Variants in DLG2 observed in about 807,000 individuals in gnomAD.
DLG2 encodes disks large homolog 2.
A neutral mutation model predicts 132.5 loss-of-function variants in DLG2; 45 were observed. That is an observed-to-expected ratio of 0.34 (90% CI 0.27 to 0.44). The LOEUF is 0.44. DLG2 is among the 20% of genes least tolerant of loss of function. The probability of loss-of-function intolerance (pLI) is 1.00; values close to 1 mark genes in which losing one functional copy is unlikely to be tolerated. For synonymous variants in DLG2, 424 were observed against 419.6 expected (o/e 1.01, Z -0.13); for missense variants, 1,045 against 1,196.9 (o/e 0.87, Z 1.87).
intron 7 of DLG2, among the ~76,000 whole-genome samples, chr11:84,393,728 T>A (rs898710355): frequency 6.6e-6 from 1 of 152,206 alleles, no homozygotes; most frequent in Admixed American, 6.5e-5. Flanking sequence ...TTTAAAATTA[T>A]ATAGTTTATT....
At chr11:85,438,741 T>G (rs189369376) in intron 3 of DLG2, among the ~76,000 whole-genome samples, 1 of 152,320 alleles carries the variant, frequency 6.6e-6, no homozygotes. Flanking sequence ...AATTTTATCA[T>G]GTACGTAGGT....
At chr11:84,922,978 C>G (rs1486171124) in intron 6 of DLG2, 13 of 1,467,744 alleles carry the variant, frequency 8.9e-6, no homozygotes, top group Non-Finnish European at 1.2e-5. Context: ...GCCTGCTCAG[C>G]CAGCAATCCG....
intron 4 of DLG2, among the ~76,000 whole-genome samples, chr11:85,190,453 GA>G (rs562602286): frequency 7.9e-5 from 11 of 139,070 alleles, no homozygotes; most frequent in Non-Finnish European, 1.4e-4. Flanking sequence ...CTAAAGGAGC[GA>G]AAAAAAAACA....
chr11:85,339,543 G>A (rs1416490497), intron 3 of DLG2, among the ~76,000 whole-genome samples: 2 of 151,926 alleles, frequency 1.3e-5, no homozygotes, highest in African/African-American at 2.4e-5. Flanking sequence ...TTTTTATAAG[G>A]GAAAAAATGA....
Position 83,661,614 on chromosome 11 carries a change from T to A in DLG2, c.1826-28289A>T, listed in dbSNP as rs567513226. ...GAAAGTACTTTGCCACTTATGACTCTAATAGTAGAGCCAGATTTGTATGAC... is the reference window on the plus strand; with the variant it reads ...GAAAGTACTTTGCCACTTATGACTCAAATAGTAGAGCCAGATTTGTATGAC... On this transcript the variant is annotated intron_variant, in intron 18 of 27. Coordinates refer to ENST00000376104, the MANE Select transcript of DLG2 (RefSeq NM_001142699.3). Among the ~76,000 whole-genome samples, 7 of 152,254 alleles carry A rather than the reference T, an allele frequency of 4.6e-5. No homozygotes were observed. The East Asian group carries it at 1.4e-3, about 29-fold the overall frequency.
chr11:83,484,793 A>C (rs1017302728), intron 21 of DLG2, among the ~76,000 whole-genome samples: 2 of 152,182 alleles, frequency 1.3e-5, no homozygotes, highest in African/African-American at 2.4e-5. Flanking sequence ...AGTTTTAATT[A>C]AATTAAAACT....
intron 6 of DLG2, among the ~76,000 whole-genome samples, chr11:85,022,806 C>T (rs2060194889): frequency 6.6e-6 from 1 of 152,028 alleles, no homozygotes; most frequent in Admixed American, 6.5e-5. Flanking sequence ...TTAATCCATC[C>T]ATAAGAACCA....
intron 6 of DLG2, among the ~76,000 whole-genome samples, chr11:84,851,151 A>C (rs2082120901): frequency 6.6e-6 from 1 of 152,088 alleles, no homozygotes; most frequent in Non-Finnish European, 1.5e-5. Flanking sequence ...CCATCCAGTC[A>C]CTTCTTTCCA....
chr11:83,531,745 AAATGTCCAT>A (rs1203488045), intron 21 of DLG2, among the ~76,000 whole-genome samples: 1 of 152,096 alleles, frequency 6.6e-6, no homozygotes, highest in African/African-American at 2.4e-5. Flanking sequence ...GAAACAATTG[AAATGTCCAT>A]CAACTGATAA....
intron 19 of DLG2, among the ~76,000 whole-genome samples, chr11:83,543,129 C>A (rs984055907): frequency 6.6e-6 from 1 of 152,080 alleles, no homozygotes; most frequent in Non-Finnish European, 1.5e-5. Context: ...GCAACGTAGT[C>A]CCTTCTTTCA....
intron 22 of DLG2, chr11:83,483,254 C>G (rs780908967): frequency 6.2e-7 from 1 of 1,612,606 alleles, no homozygotes; most frequent in Non-Finnish European, 8.5e-7. Flanking sequence ...GAAACTTACT[C>G]AGAGTCTTTG....
At chr11:83,949,256 C>A (rs1006523023) in intron 14 of DLG2, among the ~76,000 whole-genome samples, 3 of 152,094 alleles carry the variant, frequency 2.0e-5, no homozygotes, top group Non-Finnish European at 4.4e-5. Flanking sequence ...CCAAGCAGAT[C>A]TCAATAAATG....
chr11:83,720,854 G>A (rs2088335683), intron 18 of DLG2: 2 of 150,902 alleles, frequency 1.3e-5, no homozygotes, highest in African/African-American at 4.9e-5. Context: ...TGTGAAGGCA[G>A]CATTTGAGAG....
intron 4 of DLG2, among the ~76,000 whole-genome samples, chr11:85,181,793 T>C (rs756285346): frequency 2.6e-5 from 4 of 151,624 alleles, no homozygotes; most frequent in African/African-American, 9.7e-5. Flanking sequence ...ATATCTTCTC[T>C]ATTAGCTCGA....
At chr11:85,475,779 T>C (rs2093121921) in intron 3 of DLG2, among the ~76,000 whole-genome samples, 1 of 152,122 alleles carries the variant, frequency 6.6e-6, no homozygotes, top group African/African-American at 2.4e-5. Context: ...AACAAAGCTG[T>C]GGCAGAGAGA....
chr11:83,791,156 A>T (rs981093763), intron 17 of DLG2: 2 of 643,904 alleles, frequency 3.1e-6, no homozygotes, highest in East Asian at 5.3e-5. Context: ...TGTGGGTCGA[A>T]GAGGCCATGG....
At chr11:84,002,163 C>T (rs147115847) in intron 11 of DLG2, among the ~76,000 whole-genome samples, 127 of 152,250 alleles carry the variant, frequency 8.3e-4, no homozygotes, top group Admixed American at 1.7e-3. Flanking sequence ...TAAACTACCA[C>T]CTAAAATAGC....
chr11:84,771,789 T>A (rs2069442699), intron 6 of DLG2, among the ~76,000 whole-genome samples: 1 of 152,050 alleles, frequency 6.6e-6, no homozygotes, highest in South Asian at 2.1e-4. Flanking sequence ...ACCTCATGTA[T>A]CTATATCAAC....
chr11:84,301,384 G>A (rs932046204), intron 7 of DLG2, among the ~76,000 whole-genome samples: 5 of 152,058 alleles, frequency 3.3e-5, no homozygotes, highest in African/African-American at 1.2e-4. Context: ...ACAGGCCAGT[G>A]CGGTGGCTCA....
Sources: allele counts gnomAD v4.1 joint callset (sites outside exome capture counted in the v4.1 genomes callset), GRCh38; gene constraint gnomAD v4.1.1; transcripts MANE v1.5; gene names NCBI Gene and HGNC (gene_info 2026-07-23, HGNC 2026-07-21).